Variants in RBMXL3 observed in about 807,000 individuals in gnomAD.
RBMXL3 encodes the protein RNA-binding motif protein, X-linked-like-3.
RBMXL3 carries 2 observed loss-of-function variants against 0.8 expected under a neutral mutation model. That is an observed-to-expected ratio of 2.54 (90% CI 1.04 to 8.00). RBMXL3 has a LOEUF of 8.00. Among genes scored for constraint, RBMXL3 ranks in the 30% most tolerant of loss-of-function variants. RBMXL3 has a pLI of 0.04. For synonymous variants in RBMXL3, 447 were observed against 449.8 expected (o/e 0.99, Z 0.08); for missense variants, 1,127 against 1,068.0 (o/e 1.06, Z -0.77).
chrX:115,190,498 T>G lies in RBMXL3; in HGVS notation c.1057T>G (p.Leu353Val), dbSNP rs1556557316. The change falls in exon 1 of 1, where the codon TTG (leucine) becomes GTG (valine). Residue 353 changes from leucine to valine, a missense_variant. Transcript: ENST00000424776. ...CTCGTCCGAGGCCTTGCCAGTCGTC[T>G]TGCCAGACGCCTACAGCAGGGACCA... ...GRSSEALPVV[L>V]PDAYSRDHSP... 1 of 1,167,251 alleles carries G rather than the reference T, an allele frequency of 8.6e-7. No homozygotes were observed. The highest frequency in any genetic ancestry group is 2.6e-5 in the Admixed American group (1 of 38,804).
At position 115,192,445 on chromosome X, in the gene RBMXL3, A is replaced by G. The variant is rs1556561337; in HGVS notation, c.3004A>G (p.Ser1002Gly). Residue 1002 changes from serine to glycine, a missense_variant, in exon 1 of 1, where the codon AGC (serine) becomes GGC (glycine). Ser to Gly is a moderately conservative substitution (Grantham distance 56, BLOSUM62 0). Transcript: ENST00000424776. The stretch of plus-strand genomic sequence containing the variant: ...CTACAGCGGCGACCACGACAGATCC[A>G]GCAACAGTTACGGCCGGAGCGACCG... ...DAYSGDHDRS[S>G]NSYGRSDRYS... 1.7e-6 allele frequency: 2 copies of G among 1,167,472 alleles called. No individual in the cohort carries two copies. The highest frequency in any genetic ancestry group is 1.8e-5 in the African/African-American group (1 of 56,166).
chrX:115,189,925 C>G lies in RBMXL3; in HGVS notation c.484C>G (p.His162Asp), dbSNP rs1396422535. 19 of 1,157,265 alleles carry G rather than the reference C, an allele frequency of 1.6e-5. No individual in the cohort carries two copies. In the African/African-American group the frequency reaches 3.2e-4, roughly 20 times the overall value. Residue 162 changes from histidine to aspartate, a missense_variant, in exon 1 of 1, where the codon CAC becomes GAC. By Grantham distance (81) the His-to-Asp change is moderately conservative. Transcript: ENST00000424776. ...PPPRHWASPP[H>D]KRATPSSLAH... ...ACCGCGGCACTGGGCCAGCCCACCC[C>G]ACAAGAGGGCCACGCCGTCGAGCCT...
rs782463436 is a variant in RBMXL3 at position 115,190,450 on chromosome X, C to A, written c.1009C>A (p.Pro337Thr). ...CTACGAGGAGTACCAGGGCAACTCG[C>A]CCGATGCCTGCAGTGAAGGCCGCTC... The part of the protein sequence containing the change: ...CRYEEYQGNS[P>T]DACSEGRSSE... The change falls in exon 1 of 1, where the codon CCC becomes ACC. Residue 337 changes from proline to threonine, a missense_variant. Coordinates refer to ENST00000424776, the MANE Select transcript of RBMXL3 (RefSeq NM_001145346.2). 1 of 1,167,353 alleles carries A rather than the reference C, an allele frequency of 8.6e-7. No individual in the cohort carries two copies.
rs1556561433 is a variant in RBMXL3 at position 115,192,490 on chromosome X, C to G, written c.3049C>G (p.Arg1017Gly). 3.4e-6 allele frequency: 4 copies of G among 1,169,806 alleles called. 1 individual carries two copies. In the South Asian group the frequency reaches 7.6e-5, roughly 22 times the overall value. Residue 1017 changes from arginine (R) to glycine (G), a missense_variant, in exon 1 of 1, where the codon CGG (arginine) becomes GGG (glycine). Arg to Gly is a moderately radical substitution (Grantham distance 125). Transcript: ENST00000424776. The part of the protein sequence containing the change: ...RSDRYSRGRD[R>G]VGRPDRGLPL... Reference sequence around the variant, plus strand: ...CGACCGCTACTCGAGGGGTCGAGACCGGGTAGGCAGACCGGATCGTGGGCT... The same window carrying G: ...CGACCGCTACTCGAGGGGTCGAGACGGGGTAGGCAGACCGGATCGTGGGCT...
chrX:115,191,056 AAC>A lies in RBMXL3; in HGVS notation c.1617_1618del (p.Asn539LysfsTer15). ...THSGGHSSSSNSYGQSHRYGG... is the reference protein window; with the variant it reads ...THSGGHSSSSXSYGQSHRYGG... ...CAGTGGGGGCCACAGCAGTTCCAGC[AAC>A]AGTTACGGCCAGAGCCACCGCTATG... On this transcript the variant is annotated frameshift_variant, in exon 1 of 1. Transcript: ENST00000424776. LOFTEE classifies it low-confidence loss of function (END_TRUNC). The A allele has an allele frequency of 8.6e-7, 1 of 1,161,342 alleles. No individual in the cohort carries two copies. Among genetic ancestry groups the A allele is most frequent in the South Asian group, 1.9e-5 (1 of 52,431 alleles).
chrX:115,192,222 C>T lies in RBMXL3; in HGVS notation c.2781C>T (p.Gly927=). 8.6e-7 allele frequency: 1 copy of T among 1,158,973 alleles called. No homozygotes were observed. The highest frequency in any genetic ancestry group is 1.8e-5 in the African/African-American group (1 of 54,860). Residue 927 remains glycine (G), a synonymous_variant, in exon 1 of 1, where the codon GGC becomes GGT. Coordinates refer to ENST00000424776, the MANE Select transcript of RBMXL3 (RefSeq NM_001145346.2). The stretch of plus-strand genomic sequence containing the variant: ...GCTCGCCCAATGCCTACGGCGGGGG[C>T]CGCGGCCTCAACAGTTCCAACAACA... ...QGRSPNAYGG[G]RGLNSSNNSH... is the part of the protein sequence containing the mutation.
Position 115,189,461 on chromosome X carries a change from C to G in RBMXL3, c.20C>G (p.Pro7Arg). The G allele has an allele frequency of 8.5e-7, 1 of 1,175,630 alleles. No homozygotes were observed. Among genetic ancestry groups the G allele is most frequent in the Non-Finnish European group, 1.1e-6 (1 of 876,632 alleles). The change falls in exon 1 of 1, where the codon CCA becomes CGA. Residue 7 changes from proline to arginine, a missense_variant. Pro to Arg is a moderately radical substitution (Grantham distance 103). Transcript: ENST00000424776. MMEADR[P>R]EKLFIGGLNL... ...GGAGACATGATGGAAGCGGATCGCC[C>G]AGAGAAGCTTTTCATTGGGGGCCTC...
chrX:115,192,368 G>A lies in RBMXL3; in HGVS notation c.2927G>A (p.Arg976His), dbSNP rs782170232. Residue 976 changes from arginine (R) to histidine (H), a missense_variant, in exon 1 of 1, where the codon CGC becomes CAC. Physicochemically the swap from Arg to His is conservative, Grantham distance 29. Transcript: ENST00000424776. Reference sequence around the variant, plus strand: ...ATCAAGAGTTACGGCCTGAGCGACCGCTACGGAGGAGGAGGCCACTACGAG... The same window carrying A: ...ATCAAGAGTTACGGCCTGAGCGACCACTACGGAGGAGGAGGCCACTACGAG... Reference protein sequence around the residue: ...SSIKSYGLSDRYGGGGHYEEY... With the variant: ...SSIKSYGLSDHYGGGGHYEEY... 35 of 1,158,483 alleles carry A rather than the reference G, an allele frequency of 3.0e-5. No individual in the cohort carries two copies. In the South Asian group the frequency reaches 4.0e-4, roughly 13 times the overall value.
rs1408694532 is a variant in RBMXL3 at position 115,189,800 on chromosome X, G to A, written c.359G>A (p.Arg120Gln). ...RTRGGGSSPQRPPSQGRPDDG... is the reference protein window; with the variant it reads ...RTRGGGSSPQQPPSQGRPDDG... Reference sequence around the variant, plus strand: ...CGTGGGGGTGGCAGCAGCCCACAGCGACCCCCCTCTCAGGGCAGGCCTGAT... The same window carrying A: ...CGTGGGGGTGGCAGCAGCCCACAGCAACCCCCCTCTCAGGGCAGGCCTGAT... Residue 120 changes from arginine (R) to glutamine (Q), a missense_variant, in exon 1 of 1, where the codon CGA becomes CAA. Coordinates refer to ENST00000424776, the MANE Select transcript of RBMXL3 (RefSeq NM_001145346.2). 7 of 1,167,206 alleles carry A rather than the reference G, an allele frequency of 6.0e-6. No homozygotes were observed. Among genetic ancestry groups the A allele is most frequent in the South Asian group, 1.9e-5 (1 of 52,775 alleles).
At position 115,191,694 on chromosome X, in the gene RBMXL3, C is replaced by G. The variant is rs782556888; in HGVS notation, c.2253C>G (p.Asn751Lys). The G allele has an allele frequency of 3.4e-6, 4 of 1,162,961 alleles. No homozygotes were observed. In the East Asian group the frequency reaches 1.3e-4, roughly 38 times the overall value. ...GAGGAGGTCGCTCACTCGATGCCAA[C>G]AGCAGTGGCCGCTTGCCTGACGCCT... ...YGGGGRSLDA[N>K]SSGRLPDAYS... The change falls in exon 1 of 1, where the codon AAC becomes AAG. Residue 751 changes from asparagine (N) to lysine (K), a missense_variant. By Grantham distance (94) the Asn-to-Lys change is moderately conservative. Coordinates refer to ENST00000424776, the MANE Select transcript of RBMXL3 (RefSeq NM_001145346.2).
At position 115,190,923 on chromosome X, in the gene RBMXL3, C is replaced by T. The variant is rs1556558359; in HGVS notation, c.1482C>T (p.Gly494=). 1 of 1,165,249 alleles carries T rather than the reference C, an allele frequency of 8.6e-7. No homozygotes were observed. The highest frequency in any genetic ancestry group is 3.3e-5 in the East Asian group (1 of 30,487). ...GGCSPEAYSG[G]HDNSSWSDRY... is the part of the protein sequence containing the mutation. ...GCTCGCCCGAGGCCTACAGTGGGGG[C>T]CACGACAATTCCAGCTGGAGCGACC... Residue 494 remains glycine, a synonymous_variant, in exon 1 of 1, where the codon GGC becomes GGT. Coordinates refer to ENST00000424776, the MANE Select transcript of RBMXL3 (RefSeq NM_001145346.2).
In RBMXL3 at chrX:115,190,303, G is replaced by C. The variant is rs185599561; in HGVS notation, c.862G>C (p.Asp288His). 3 of 1,152,021 alleles carry C rather than the reference G, an allele frequency of 2.6e-6. No individual in the cohort carries two copies. Among genetic ancestry groups the C allele is most frequent in the Admixed American group, 2.7e-5 (1 of 37,440 alleles). The allele number at this position is 1,152,021 out of a possible 1,213,427, so 94.9% of individuals were successfully genotyped here. A position where few individuals can be genotyped will look rare whatever the true frequency, so the allele number is the denominator to read the frequency against. Residue 288 changes from aspartate to histidine, a missense_variant, in exon 1 of 1, where the codon GAC (aspartate) becomes CAC (histidine). Asp to His is a moderately conservative substitution (Grantham distance 81). Coordinates refer to ENST00000424776, the MANE Select transcript of RBMXL3 (RefSeq NM_001145346.2). The stretch of plus-strand genomic sequence containing the variant: ...CAACCAAAATGGCTACAGGGGTCGC[G>C]ACCATGAGTACACAGATCATCCCAG... Reference protein sequence around the residue: ...DGNQNGYRGRDHEYTDHPSKG... With the variant: ...DGNQNGYRGRHHEYTDHPSKG...
rs782576147 is a variant in RBMXL3, at chrX:115,191,473, G to A, written c.2032G>A (p.Asp678Asn). Reference protein sequence around the residue: ...RYEEYRGRLLDANSGGRSPDA... With the variant: ...RYEEYRGRLLNANSGGRSPDA... Reference sequence around the variant, plus strand: ...CGAGGAGTACCGAGGCCGCTTGCTCGATGCCAACAGTGGAGGCCGCTCGCC... The same window carrying A: ...CGAGGAGTACCGAGGCCGCTTGCTCAATGCCAACAGTGGAGGCCGCTCGCC... Residue 678 changes from aspartate (D) to asparagine (N), a missense_variant, in exon 1 of 1, where the codon GAT becomes AAT. Asp to Asn is a conservative substitution (Grantham distance 23). Transcript: ENST00000424776. The A allele has an allele frequency of 1.6e-5, 18 of 1,152,637 alleles. No homozygotes were observed. In the East Asian group the frequency reaches 1.7e-4, roughly 11 times the overall value. 95.0% of individuals were successfully genotyped at this position (1,152,637 alleles called of 1,213,427 possible). A position where few individuals can be genotyped will look rare whatever the true frequency, so the allele number is the denominator to read the frequency against.
In RBMXL3 at chrX:115,191,639, A is replaced by G; in HGVS notation, c.2198A>G (p.Asp733Gly). 1 of 1,158,821 alleles carries G rather than the reference A, an allele frequency of 8.6e-7. No individual in the cohort carries two copies. Among genetic ancestry groups the G allele is most frequent in the Non-Finnish European group, 1.2e-6 (1 of 868,010 alleles). ...CCTGACACCTACAGCCGGGGCCACGACAGTTCCAGCCAGAGCGACCACTAT... is the reference window on the plus strand; with the variant it reads ...CCTGACACCTACAGCCGGGGCCACGGCAGTTCCAGCCAGAGCGACCACTAT... ...RSPDTYSRGH[D>G]SSSQSDHYGG... Residue 733 changes from aspartate to glycine, a missense_variant, in exon 1 of 1, where the codon GAC (aspartate) becomes GGC (glycine). Transcript: ENST00000424776.
rs2072779959 is a variant in RBMXL3, at chrX:115,190,296, G to T, written c.855G>T (p.Arg285Ser). ...LRGDGNQNGY[R>S]GRDHEYTDHP... ...GCGACGGCAACCAAAATGGCTACAGGGGTCGCGACCATGAGTACACAGATC... is the reference window on the plus strand; with the variant it reads ...GCGACGGCAACCAAAATGGCTACAGTGGTCGCGACCATGAGTACACAGATC... Residue 285 changes from arginine (R) to serine (S), a missense_variant, in exon 1 of 1, where the codon AGG becomes AGT. Arg to Ser is a moderately radical substitution (Grantham distance 110). Transcript: ENST00000424776. 5.2e-6 allele frequency: 6 copies of T among 1,149,236 alleles called. No individual in the cohort carries two copies. The highest frequency in any genetic ancestry group is 3.6e-5 in the African/African-American group (2 of 55,580). The allele number at this position is 1,149,236 out of a possible 1,213,427, so 94.7% of individuals were successfully genotyped here.
At position 115,190,160 on chromosome X, in the gene RBMXL3, G is replaced by C; in HGVS notation, c.719G>C (p.Arg240Pro). Reference protein sequence around the residue: ...GQDGYSGPRVREPLPPCRDPG... With the variant: ...GQDGYSGPRVPEPLPPCRDPG... ...GATGGCTACTCAGGCCCGCGGGTCC[G>C]GGAGCCACTGCCCCCGTGCCGCGAC... is the stretch of plus-strand genomic sequence containing the variant. The change falls in exon 1 of 1, where the codon CGG becomes CCG. Residue 240 changes from arginine (R) to proline (P), a missense_variant. Coordinates refer to ENST00000424776, the MANE Select transcript of RBMXL3 (RefSeq NM_001145346.2). The C allele has an allele frequency of 8.6e-7, 1 of 1,165,127 alleles. No individual in the cohort carries two copies. The highest frequency in any genetic ancestry group is 1.1e-6 in the Non-Finnish European group (1 of 871,717).
chrX:115,192,651 A>T lies in RBMXL3; in HGVS notation c.*6A>T. Reference sequence around the variant, plus strand: ...AAGGCCGGAGCAGATACTAAGCAGGAACAGACTTGGGCCCAAAAATTCCTT... The same window carrying T: ...AAGGCCGGAGCAGATACTAAGCAGGTACAGACTTGGGCCCAAAAATTCCTT... On this transcript the variant is annotated 3_prime_UTR_variant, in exon 1 of 1. Coordinates refer to ENST00000424776, the MANE Select transcript of RBMXL3 (RefSeq NM_001145346.2). 1 of 1,167,090 alleles carries T rather than the reference A, an allele frequency of 8.6e-7. No individual in the cohort carries two copies. Among genetic ancestry groups the T allele is most frequent in the Non-Finnish European group, 1.1e-6 (1 of 872,507 alleles).
chrX:115,191,341 CGAGGCCGCTCCCTTGATGCCAACAGTG>C lies in RBMXL3; in HGVS notation c.1911_1937del (p.Leu638_Ser646del), dbSNP rs1569515919. ...AGGAGGAGGCCGCTACGAGGAGTAC[CGAGGCCGCTCCCTTGATGCCAACAGTG>C]GAGGCCGCTCGCCTGATGCCTACAG... On this transcript the variant is annotated inframe_deletion, in exon 1 of 1. Transcript: ENST00000424776. The C allele has an allele frequency of 8.7e-7, 1 of 1,149,100 alleles. No individual in the cohort carries two copies. The highest frequency in any genetic ancestry group is 1.9e-5 in the South Asian group (1 of 51,755). The allele number at this position is 1,149,100 out of a possible 1,213,427, so 94.7% of individuals were successfully genotyped here.
At position 115,192,190 on chromosome X, in the gene RBMXL3, C is replaced by A; in HGVS notation, c.2749C>A (p.Gln917Lys). The part of the protein sequence containing the change: ...YGRGGCYEEY[Q>K]GRSPNAYGGG... ...AAGAGGAGGCTGCTACGAGGAATAC[C>A]AAGGCCGCTCGCCCAATGCCTACGG... The change falls in exon 1 of 1, where the codon CAA becomes AAA. Residue 917 changes from glutamine (Q) to lysine (K), a missense_variant. Physicochemically the swap from Gln to Lys is moderately conservative, Grantham distance 53. Transcript: ENST00000424776. 8.6e-7 allele frequency: 1 copy of A among 1,164,852 alleles called. No homozygotes were observed. Among genetic ancestry groups the A allele is most frequent in the Non-Finnish European group, 1.1e-6 (1 of 872,250 alleles).
Sources: allele counts gnomAD v4.1 joint callset, GRCh38; gene constraint gnomAD v4.1.1; transcripts MANE v1.5; gene names NCBI Gene and HGNC (gene_info 2026-07-23, HGNC 2026-07-21).